PPP1CC: variants seen among roughly 807,000 people sequenced by gnomAD.
PPP1CC encodes protein phosphatase 1 catalytic subunit gamma.
A neutral mutation model predicts 38.4 loss-of-function variants in PPP1CC; 16 were observed. That is an observed-to-expected ratio of 0.42 (90% CI 0.28 to 0.63). PPP1CC has a LOEUF of 0.63. Ranked by LOEUF, PPP1CC falls within the 30% of genes least tolerant of loss-of-function variation. The pLI is 0.25. For missense variants in PPP1CC, 170 were observed against 391.3 expected, an observed-to-expected ratio of 0.43 and a Z score of 4.77; for synonymous variants, 158 against 136.0, an observed-to-expected ratio of 1.16 and a Z score of -1.13.
At chr12:110,731,930 A>G in intron 1 of PPP1CC, 29 bp from the exon 2 acceptor site, 1 of 1,606,328 alleles carries the variant, frequency 6.2e-7, no homozygotes, top group Non-Finnish European at 8.5e-7. Flanking sequence ...AATTAGTCCA[A>G]TGAAGCCAAA....
chr12:110,723,563 G>A (rs921681741), intron 4 of PPP1CC, among the ~76,000 whole-genome samples: 1 of 152,188 alleles, frequency 6.6e-6, no homozygotes, highest in African/African-American at 2.4e-5. Context: ...AGGCTGGAGT[G>A]CAGTGGTGCG....
intron 1 of PPP1CC, among the ~76,000 whole-genome samples, chr12:110,733,772 C>G (rs144788778): frequency 2.5e-3 from 386 of 152,230 alleles, no homozygotes; most frequent in African/African-American, 9.0e-3. Context: ...AGCCACTGCA[C>G]CTGGCCTTAA....
Position 110,735,611 on chromosome 12 carries a change from A to G in PPP1CC, c.56-3710T>C, listed in dbSNP as rs1185806087. ...AGCCTGGCCAACATGGTGAAACCCC[A>G]TCTCTACTAAAAATACAAAAATTTG... On this transcript the variant is annotated intron_variant, in intron 1 of 6. Transcript: ENST00000335007. 4.6e-3 allele frequency among the ~76,000 whole-genome samples: 622 copies of G among 134,462 alleles called. No individual in the cohort carries two copies. In the Middle Eastern group the frequency reaches 0.06, roughly 13 times the overall value. 88.2% of individuals were successfully genotyped at this position (134,462 alleles called of 152,430 possible).
chr12:110,731,717 G>C lies in PPP1CC; in HGVS notation c.187+53C>G, dbSNP rs540033427. 656 of 1,568,220 alleles carry C rather than the reference G, an allele frequency of 4.2e-4. 4 individuals are homozygous for C. The highest frequency in any genetic ancestry group is 2.4e-3 in the South Asian group (210 of 86,780). On this transcript the variant is annotated intron_variant, in intron 2 of 6. Coordinates refer to ENST00000335007, the MANE Select transcript of PPP1CC (RefSeq NM_002710.4). ...AATACAAGGTCATCAACATATCCTT[G>C]ACTCAGTTAATCAATCATGTAACAA...
rs543085229 is a variant in PPP1CC at position 110,737,921 on chromosome 12, TA to T, written c.55+4731del. The stretch of plus-strand genomic sequence containing the variant: ...GGACAGAGTGAGACCCAGTCTCTAG[TA>T]AAAAAAATAAAAGTGACACCATTTT... On this transcript the variant is annotated intron_variant, in intron 1 of 6. Transcript: ENST00000335007. Among the ~76,000 whole-genome samples the T allele has an allele frequency of 4.8e-3, 733 of 151,862 alleles. 5 individuals are homozygous for T. The highest frequency in any genetic ancestry group is 7.1e-3 in the Admixed American group (108 of 15,246).
the PPP1CC span, among the ~76,000 whole-genome samples, chr12:110,713,384 C>T: frequency 6.6e-6 from 1 of 152,096 alleles, no homozygotes; most frequent in African/African-American, 2.4e-5. Flanking sequence ...CTGCCCACCT[C>T]GGCCTCACAA....
chr12:110,720,865 TA>T lies in PPP1CC; in HGVS notation c.*210del. 2.2e-6 allele frequency: 1 copy of T among 450,884 alleles called. No homozygotes were observed. Among genetic ancestry groups the T allele is most frequent in the Non-Finnish European group, 4.0e-6 (1 of 250,190 alleles). The allele number at this position is 450,884 out of a possible 1,614,324, so 27.9% of individuals were successfully genotyped here. ...ATTGTTTGCAAAAGGAACAGAGAATTAAAAAACAAAACACTTTTCTTTTTGG... is the reference window on the plus strand; with the variant it reads ...ATTGTTTGCAAAAGGAACAGAGAATTAAAAACAAAACACTTTTCTTTTTGG... On this transcript the variant is annotated 3_prime_UTR_variant, in exon 7 of 7. Transcript: ENST00000335007.
the PPP1CC span, among the ~76,000 whole-genome samples, chr12:110,710,111 A>G: frequency 6.6e-6 from 1 of 152,076 alleles, no homozygotes; most frequent in South Asian, 2.1e-4. Flanking sequence ...GACATTATCA[A>G]GAATGCAAAC....
chr12:110,717,205 G>A (rs546785401), downstream of PPP1CC, among the ~76,000 whole-genome samples: 1 of 152,238 alleles, frequency 6.6e-6, no homozygotes, highest in East Asian at 1.9e-4. Context: ...CCTCTTCTGT[G>A]GGTGAGAAGG....
intron 1 of PPP1CC, among the ~76,000 whole-genome samples, chr12:110,741,324 C>T (rs1307663048): frequency 2.0e-5 from 3 of 152,180 alleles, no homozygotes; most frequent in African/African-American, 7.2e-5. Flanking sequence ...AGCTGTCCAA[C>T]TGTTCATGCC....
At chr12:110,737,477 CAAAAAAAAAAAAA>C (rs71083137) in intron 1 of PPP1CC, among the ~76,000 whole-genome samples, 16 of 42,500 alleles carry the variant, frequency 3.8e-4, no homozygotes, top group African/African-American at 1.1e-3. Context: ...AAGAAAGACT[CAAAAAAAAAAAAA>C]AAAAAAAAAA....
intron 3 of PPP1CC, among the ~76,000 whole-genome samples, chr12:110,728,397 C>CAAAAAAAAAAAAAA (rs1234259790): frequency 1.5e-4 from 12 of 78,606 alleles, no homozygotes; most frequent in African/African-American, 1.5e-4. Flanking sequence ...GACTCCGTCT[C>CAAAAAAAAAAAAAA]AAAAAAAAAA....
At chr12:110,739,295 G>A (rs987571420) in intron 1 of PPP1CC, among the ~76,000 whole-genome samples, 1 of 151,902 alleles carries the variant, frequency 6.6e-6, no homozygotes, top group South Asian at 2.1e-4. Flanking sequence ...GTGACAGAGT[G>A]AGACTCTGTC....
intron 3 of PPP1CC, among the ~76,000 whole-genome samples, chr12:110,728,381 G>A (rs2069831182): frequency 7.0e-6 from 1 of 142,968 alleles, no homozygotes; most frequent in African/African-American, 2.6e-5. Context: ...CTGGGCGACA[G>A]AGCGAGACTC....
the PPP1CC span, among the ~76,000 whole-genome samples, chr12:110,711,723 G>A: frequency 7.9e-5 from 12 of 151,998 alleles, no homozygotes; most frequent in African/African-American, 2.7e-4. Context: ...TTGGGAGTTC[G>A]AGACCAGCCT....
At chr12:110,717,207 G>T (rs1160378223), downstream of PPP1CC, among the ~76,000 whole-genome samples, 1 of 152,174 alleles carries the variant, frequency 6.6e-6, no homozygotes. Flanking sequence ...TCTTCTGTGG[G>T]TGAGAAGGAA....
Position 110,724,656 on chromosome 12 carries a change from C to T in PPP1CC, c.523+4G>A, listed in dbSNP as rs754551542. 3 of 1,594,848 alleles carry T rather than the reference C, an allele frequency of 1.9e-6. No individual in the cohort carries two copies. Among genetic ancestry groups the T allele is most frequent in the South Asian group, 1.1e-5 (1 of 90,650 alleles). On this transcript the variant is annotated splice_donor_region_variant and intron_variant, in intron 4 of 6. Coordinates refer to ENST00000335007, the MANE Select transcript of PPP1CC (RefSeq NM_002710.4). Reference sequence around the variant, plus strand: ...CTATTTGGAACAAAAATCAGCCCACCTACCTCCATGACAGCAGAATATCTT... The same window carrying T: ...CTATTTGGAACAAAAATCAGCCCACTTACCTCCATGACAGCAGAATATCTT...
chr12:110,719,398 C>T (rs2069714177), downstream of PPP1CC, among the ~76,000 whole-genome samples: 1 of 152,064 alleles, frequency 6.6e-6, no homozygotes, highest in Non-Finnish European at 1.5e-5. Context: ...CACTTTGTAA[C>T]AGGAAAAAAA....
chr12:110,710,894 C>T, the PPP1CC span, among the ~76,000 whole-genome samples: 72 of 151,720 alleles, frequency 4.7e-4, no homozygotes, highest in African/African-American at 1.6e-3. Flanking sequence ...ATGTTTAGGC[C>T]GGGCAGGATG....
Sources: allele counts gnomAD v4.1 joint callset (sites outside exome capture counted in the v4.1 genomes callset), GRCh38; gene constraint gnomAD v4.1.1; transcripts MANE v1.5; gene names NCBI Gene and HGNC (gene_info 2026-07-23, HGNC 2026-07-21).